HLCS: variants seen among roughly 807,000 people sequenced by gnomAD.
HLCS encodes the protein holocarboxylase synthetase.
HLCS carries 53 observed loss-of-function variants against 75.0 expected under a neutral mutation model. That is an observed-to-expected ratio of 0.71 (90% CI 0.57 to 0.89). The LOEUF is 0.89. Among genes scored for constraint, HLCS ranks in the 40% least tolerant of loss-of-function variants. HLCS has a pLI of 0.00. For missense variants in HLCS, 966 were observed against 1,074.0 expected, an observed-to-expected ratio of 0.90 and a Z score of 1.41; for synonymous variants, 431 against 428.6, an observed-to-expected ratio of 1.01 and a Z score of -0.07.
intron 5 of HLCS, among the ~76,000 whole-genome samples, chr21:36,926,710 T>C (rs2066422232): frequency 6.6e-6 from 1 of 151,320 alleles, no homozygotes; most frequent in South Asian, 2.1e-4. Flanking sequence ...ATAAGTCCCA[T>C]ATATACCAGA....
chr21:36,759,680 T>C, intron 9 of HLCS, 47 bp downstream of exon 9: 1 of 1,076,630 alleles, frequency 9.3e-7, no homozygotes, highest in Non-Finnish European at 1.5e-6. Context: ...TTATTTTTAT[T>C]GTTTTATTAA....
At chr21:36,760,738 G>A (rs999352759) in intron 8 of HLCS, among the ~76,000 whole-genome samples, 5 of 152,154 alleles carry the variant, frequency 3.3e-5, no homozygotes, top group African/African-American at 4.8e-5. Context: ...TTGCCTCTGC[G>A]TCTTGAATGG....
chr21:36,856,228 G>T (rs1366186330), intron 6 of HLCS, among the ~76,000 whole-genome samples: 1 of 152,196 alleles, frequency 6.6e-6, no homozygotes, highest in East Asian at 1.9e-4. Context: ...AATTGTATGG[G>T]ATGTGGTTTA....
rs114059033 is a variant in HLCS, at chr21:36,768,038, T to C, written c.1893-753A>G. ...CACACAAAAACTCCCACTCTGAGAA[T>C]TTCCTGCAAGCTGCGCTCTCCCTAT... On this transcript the variant is annotated intron_variant, in intron 6 of 10. Transcript: ENST00000674895. 9.1e-3 allele frequency among the ~76,000 whole-genome samples: 1,388 copies of C among 152,266 alleles called. 21 individuals carry two copies. The highest frequency in any genetic ancestry group is 0.031 in the African/African-American group (1,299 of 41,558).
chr21:36,851,270 A>T (rs1443712315), intron 6 of HLCS, among the ~76,000 whole-genome samples: 1 of 152,234 alleles, frequency 6.6e-6, no homozygotes, highest in African/African-American at 2.4e-5. Flanking sequence ...AAGACCTGGG[A>T]GCAACCTAAG....
intron 6 of HLCS, among the ~76,000 whole-genome samples, chr21:36,810,616 A>C (rs2061484383): frequency 6.6e-6 from 1 of 152,044 alleles, no homozygotes; most frequent in South Asian, 2.1e-4. Flanking sequence ...CAGTTTTCAT[A>C]GTTATTTTCT....
Position 36,815,027 on chromosome 21 carries a change from CTT to C in HLCS, c.1893-47744_1893-47743del, listed in dbSNP as rs1195265718. Among the ~76,000 whole-genome samples the C allele has an allele frequency of 4.3e-3, 551 of 129,108 alleles. 3 individuals carry two copies. The highest frequency in any genetic ancestry group is 0.014 in the African/African-American group (490 of 34,964). The allele number at this position is 129,108 out of a possible 152,430, so 84.7% of individuals were successfully genotyped here. ...GAGGCCAGGGATCAATGAAGCTTTG[CTT>C]TTTTTTTTTTTTTTTTTGATGGAGT... is the stretch of plus-strand genomic sequence containing the variant. On this transcript the variant is annotated intron_variant, in intron 6 of 10. Coordinates refer to ENST00000674895, the MANE Select transcript of HLCS (RefSeq NM_001352514.2).
intron 1 of HLCS, among the ~76,000 whole-genome samples, chr21:36,987,416 C>A (rs1255955553): frequency 6.6e-6 from 1 of 151,954 alleles, no homozygotes; most frequent in African/African-American, 2.4e-5. Flanking sequence ...AGTTCGAGAC[C>A]AGCATGGCTA....
At chr21:36,866,976 C>G (rs948405053) in intron 6 of HLCS, among the ~76,000 whole-genome samples, 19 of 151,706 alleles carry the variant, frequency 1.3e-4, no homozygotes, top group African/African-American at 4.6e-4. Context: ...CCCTTGTTAT[C>G]ACAAGTAAAA....
Position 36,749,350 on chromosome 21 carries a change from C to T in HLCS, c.*4896G>A, listed in dbSNP as rs1202467223. 6.6e-6 allele frequency: 1 copy of T among 152,360 alleles called. No individual in the cohort carries two copies. The allele number at this position is 152,360 out of a possible 1,614,324, so 9.4% of individuals were successfully genotyped here. On this transcript the variant is annotated 3_prime_UTR_variant, in exon 11 of 11. Coordinates refer to ENST00000674895, the MANE Select transcript of HLCS (RefSeq NM_001352514.2). ...AATGGTTTATTTTAGGAAACTTTTT[C>T]CACCTTTCTGAATGGAAAGAGGTTT...
In HLCS at chr21:36,832,406, T is replaced by C. The variant is rs187791503; in HGVS notation, c.1892+64454A>G. ...CACACAACTCTGAAGCTTTTCTCTTTAACATGAGACTCAGTTAAGGGTTGG... is the reference window on the plus strand; with the variant it reads ...CACACAACTCTGAAGCTTTTCTCTTCAACATGAGACTCAGTTAAGGGTTGG... On this transcript the variant is annotated intron_variant, in intron 6 of 10. Coordinates refer to ENST00000674895, the MANE Select transcript of HLCS (RefSeq NM_001352514.2). Among the ~76,000 whole-genome samples, 299 of 152,310 alleles carry C rather than the reference T, an allele frequency of 2.0e-3. 1 individual carries two copies. Among genetic ancestry groups the C allele is most frequent in the African/African-American group, 6.6e-3 (274 of 41,572 alleles).
chr21:36,930,493 G>T, intron 4 of HLCS, 60 bp from the exon 5 acceptor site: 4 of 1,362,548 alleles, frequency 2.9e-6, no homozygotes, highest in Non-Finnish European at 4.1e-6. Flanking sequence ...GAGAAAAACA[G>T]TTTCTTTTTT....
At chr21:36,802,258 G>A (rs1019021685) in intron 6 of HLCS, among the ~76,000 whole-genome samples, 7 of 152,130 alleles carry the variant, frequency 4.6e-5, no homozygotes, top group Admixed American at 2.0e-4. Flanking sequence ...TAAGGGGAAA[G>A]GGACAGTGGG....
intron 1 of HLCS, among the ~76,000 whole-genome samples, chr21:36,987,670 T>A (rs1278837816): frequency 6.6e-6 from 1 of 152,078 alleles, no homozygotes; most frequent in African/African-American, 2.4e-5. Context: ...ACTATAAAGG[T>A]TCCTTTTTTA....
At chr21:36,958,448 G>A (rs1244763839) in intron 2 of HLCS, among the ~76,000 whole-genome samples, 1 of 152,106 alleles carries the variant, frequency 6.6e-6, no homozygotes, top group African/African-American at 2.4e-5. Flanking sequence ...TACTAGAAAG[G>A]ATAGAAGCAT....
intron 2 of HLCS, among the ~76,000 whole-genome samples, chr21:36,949,966 T>A (rs912182663): frequency 6.6e-6 from 1 of 152,098 alleles, no homozygotes; most frequent in African/African-American, 2.4e-5. Flanking sequence ...ACATTCCCCA[T>A]CTGCACAAGT....
intron 6 of HLCS, among the ~76,000 whole-genome samples, chr21:36,835,954 T>C (rs8127560): frequency 1 from 152,096 of 152,096 alleles, 76,048 homozygotes; most frequent in Non-Finnish European, 1. Context: ...TAGAGTGGCC[T>C]TCTACACCCC....
rs1369792062 is a variant in HLCS, at chr21:36,771,249, T to TAAATAAATAAATAAATAA, written c.1893-3965_1893-3964insTTATTTATTTATTTATTT. 1.7e-3 allele frequency among the ~76,000 whole-genome samples: 227 copies of TAAATAAATAAATAAATAA among 134,916 alleles called. 1 individual carries two copies. Among genetic ancestry groups the TAAATAAATAAATAAATAA allele is most frequent in the African/African-American group, 7.0e-3 (218 of 31,254 alleles). 88.5% of individuals were successfully genotyped at this position (134,916 alleles called of 152,430 possible). On this transcript the variant is annotated intron_variant, in intron 6 of 10. Transcript: ENST00000674895. ...AAATAAATAAATAAATAAATAAATATAAAATAAAATAAAAAGAAACAAGAC... is the reference window on the plus strand; with the variant it reads ...AAATAAATAAATAAATAAATAAATATAAATAAATAAATAAATAAAAAATAAAATAAAAAGAAACAAGAC...
At chr21:36,946,482 C>T (rs7283846) in intron 2 of HLCS, among the ~76,000 whole-genome samples, 94,765 of 151,820 alleles carry the variant, frequency 0.62, 30,045 homozygotes, top group African/African-American at 0.72. Context: ...GCTCAAGCGA[C>T]CCTCCTGCCT....
Sources: allele counts gnomAD v4.1 joint callset (sites outside exome capture counted in the v4.1 genomes callset), GRCh38; gene constraint gnomAD v4.1.1; transcripts MANE v1.5; gene names NCBI Gene and HGNC (gene_info 2026-07-23, HGNC 2026-07-21).